The following GRM7 variants were observed in gnomAD, a reference collection of about 807,000 sequenced individuals.
The protein encoded by GRM7 is metabotropic glutamate receptor 7.
GRM7 carries 35 observed loss-of-function variants against 84.5 expected under a neutral mutation model. The observed-to-expected ratio is 0.41, with a 90% CI of 0.32 to 0.55. GRM7 has a LOEUF of 0.55. GRM7 is among the 20% of genes least tolerant of loss of function. The pLI is 0.19. For missense variants in GRM7, 1,003 were observed against 1,194.6 expected, an observed-to-expected ratio of 0.84 and a Z score of 2.36; for synonymous variants, 487 against 455.1, an observed-to-expected ratio of 1.07 and a Z score of -0.89.
intron 5 of GRM7, among the ~76,000 whole-genome samples, chr3:7,449,598 G>C (rs1238843391): frequency 6.6e-6 from 1 of 151,290 alleles, no homozygotes. Context: ...TGAAACTCTA[G>C]TTTGGTGCAT....
intron 6 of GRM7, among the ~76,000 whole-genome samples, chr3:7,455,534 G>A (rs1417496660): frequency 1.3e-5 from 2 of 152,146 alleles, no homozygotes; most frequent in Admixed American, 6.6e-5. Context: ...TTACAGCATC[G>A]CTTCTGAGGT....
intron 2 of GRM7, among the ~76,000 whole-genome samples, chr3:7,169,152 A>G (rs1694901396): frequency 1.3e-5 from 2 of 152,156 alleles, no homozygotes. Flanking sequence ...AAATCTTCCT[A>G]GACTGAAATC....
chr3:7,318,864 C>G (rs181959858), intron 4 of GRM7, among the ~76,000 whole-genome samples: 14 of 152,162 alleles, frequency 9.2e-5, no homozygotes, highest in African/African-American at 2.4e-4. Flanking sequence ...TCCTTAACCT[C>G]TTAATACTCC....
At chr3:7,704,795 A>G (rs1277137134) in intron 9 of GRM7, among the ~76,000 whole-genome samples, 1 of 152,140 alleles carries the variant, frequency 6.6e-6, no homozygotes, top group Non-Finnish European at 1.5e-5. Flanking sequence ...CTCTCTGGGC[A>G]TATCCTGGAG....
At chr3:7,342,740 C>T (rs1400183485) in intron 4 of GRM7, among the ~76,000 whole-genome samples, 1 of 152,136 alleles carries the variant, frequency 6.6e-6, no homozygotes, top group Non-Finnish European at 1.5e-5. Flanking sequence ...GCTGATTCGA[C>T]TGGACCAGGT....
chr3:7,228,477 T>A (rs193252735), intron 2 of GRM7, among the ~76,000 whole-genome samples: 7 of 152,318 alleles, frequency 4.6e-5, no homozygotes, highest in Admixed American at 4.6e-4. Context: ...AAGAAGACGC[T>A]CTTGGGTCCT....
intron 6 of GRM7, among the ~76,000 whole-genome samples, chr3:7,453,444 A>T (rs1165704587): frequency 3.3e-5 from 5 of 152,142 alleles, no homozygotes; most frequent in Non-Finnish European, 7.4e-5. Flanking sequence ...TGGAATTTTC[A>T]CAATCTCCTC....
chr3:7,606,716 T>TAGAG (rs564336457), intron 8 of GRM7, among the ~76,000 whole-genome samples: 43 of 152,072 alleles, frequency 2.8e-4, no homozygotes, highest in Non-Finnish European at 5.1e-4. Context: ...GTATTTTTAG[T>TAGAG]AGAGACAGGG....
intron 1 of GRM7, among the ~76,000 whole-genome samples, chr3:7,065,485 A>AGG (rs1697622739): frequency 6.6e-6 from 1 of 151,918 alleles, no homozygotes; most frequent in South Asian, 2.1e-4. Flanking sequence ...GCTTTGTCAA[A>AGG]GATCAATTGG....
intron 8 of GRM7, among the ~76,000 whole-genome samples, chr3:7,601,329 A>G (rs1696302667): frequency 6.6e-6 from 1 of 152,126 alleles, no homozygotes; most frequent in Non-Finnish European, 1.5e-5. Flanking sequence ...ACATTTCCAA[A>G]GAGGTCTTTG....
chr3:7,388,207 T>G (rs2125137453), intron 4 of GRM7, among the ~76,000 whole-genome samples: 1 of 152,292 alleles, frequency 6.6e-6, no homozygotes, highest in Admixed American at 6.5e-5. Flanking sequence ...TTAAGGGTTT[T>G]CTAGGCATAG....
intron 4 of GRM7, among the ~76,000 whole-genome samples, chr3:7,346,525 A>AG (rs1352687255): frequency 2.0e-5 from 3 of 152,148 alleles, no homozygotes; most frequent in Non-Finnish European, 4.4e-5. Flanking sequence ...ATCATATTCC[A>AG]GGGGGATGCA....
intron 1 of GRM7, among the ~76,000 whole-genome samples, chr3:6,960,045 A>G (rs1693229919): frequency 6.6e-6 from 1 of 152,206 alleles, no homozygotes; most frequent in Non-Finnish European, 1.5e-5. Flanking sequence ...GGTCCTCCAA[A>G]CCAATAACAA....
At chr3:7,695,677 C>T (rs1227715272) in intron 9 of GRM7, among the ~76,000 whole-genome samples, 1 of 152,058 alleles carries the variant, frequency 6.6e-6, no homozygotes, top group African/African-American at 2.4e-5. Context: ...GTGATGTGGC[C>T]ATGTTGCCTA....
intron 1 of GRM7, among the ~76,000 whole-genome samples, chr3:6,872,613 G>T (rs942998979): frequency 5.9e-5 from 9 of 151,442 alleles, no homozygotes; most frequent in African/African-American, 2.2e-4. Context: ...CCCTCCCTTA[G>T]CCCCCCCAAC....
chr3:7,415,374 A>G (rs1696119070), intron 5 of GRM7, among the ~76,000 whole-genome samples: 2 of 152,158 alleles, frequency 1.3e-5, no homozygotes, highest in African/African-American at 2.4e-5. Context: ...ATCTAGCAGT[A>G]ATTGACATTT....
intron 2 of GRM7, among the ~76,000 whole-genome samples, chr3:7,289,863 TGGG>T (rs1699559070): frequency 1.5e-5 from 1 of 66,250 alleles, no homozygotes; most frequent in African/African-American, 6.0e-5. Flanking sequence ...TGTTGTGGGG[TGGG>T]GGGAGGGGAG....
intron 2 of GRM7, among the ~76,000 whole-genome samples, chr3:7,280,698 G>A (rs1472004902): frequency 6.6e-6 from 1 of 152,210 alleles, no homozygotes; most frequent in Non-Finnish European, 1.5e-5. Context: ...ATCATAAAGT[G>A]CTTTGTAAAA....
chr3:7,549,238 A>T (rs367678018), intron 7 of GRM7, among the ~76,000 whole-genome samples: 4 of 152,224 alleles, frequency 2.6e-5, no homozygotes, highest in Non-Finnish European at 5.9e-5. Context: ...CTTAAAACTC[A>T]TCACTTCCTA....
Sources: allele counts gnomAD v4.1 joint callset (sites outside exome capture counted in the v4.1 genomes callset), GRCh38; gene constraint gnomAD v4.1.1; transcripts MANE v1.5; gene names NCBI Gene and HGNC (gene_info 2026-07-23, HGNC 2026-07-21).